Variants in NSMCE1 observed in about 807,000 individuals in gnomAD.
The protein encoded by NSMCE1 is NSE1 component of SMC5/6 complex.
In NSMCE1, 18 loss-of-function variants were observed where a neutral mutation model predicts 29.6. The observed-to-expected ratio is 0.61, with a 90% CI of 0.42 to 0.90. The LOEUF is 0.90. Ranked by LOEUF, NSMCE1 falls within the 40% of genes least tolerant of loss-of-function variation. The pLI is 0.00. For synonymous variants in NSMCE1, 124 were observed against 133.4 expected (o/e 0.93, Z 0.49); for missense variants, 314 against 343.6 (o/e 0.91, Z 0.68).
At chr16:27,247,194 G>A (rs1295451828) in intron 2 of NSMCE1, among the ~76,000 whole-genome samples, 1 of 152,208 alleles carries the variant, frequency 6.6e-6, no homozygotes, top group Admixed American at 6.5e-5. Context: ...TGTCATGGGA[G>A]GGGCCTGGTG....
intron 1 of NSMCE1, among the ~76,000 whole-genome samples, chr16:27,262,532 G>T (rs866098948): frequency 1.3e-5 from 2 of 152,152 alleles, no homozygotes; most frequent in African/African-American, 4.8e-5. Context: ...AGTATAAGTG[G>T]CTAGCCATAT....
rs1163264754 is a variant in NSMCE1 at position 27,233,095 on chromosome 16, AAT to A, written c.387_388del (p.Leu130GlufsTer4). The A allele has an allele frequency of 6.2e-7, 1 of 1,614,094 alleles. No individual in the cohort carries two copies. Reference sequence around the variant, plus strand: ...GCCTTTAAGTTGATCAACCAGGTTCAATATGTTTGTGGAAGACGCAAAGCCGG... The same window carrying A: ...GCCTTTAAGTTGATCAACCAGGTTCAATGTTTGTGGAAGACGCAAAGCCGG... On this transcript the variant is annotated frameshift_variant, in exon 5 of 8. Transcript: ENST00000361439. LOFTEE classifies it high-confidence loss of function.
intron 2 of NSMCE1, among the ~76,000 whole-genome samples, chr16:27,251,178 AT>A (rs1567281187): frequency 0.043 from 3,120 of 73,000 alleles, 214 homozygotes; most frequent in African/African-American, 0.13. Flanking sequence ...ATATATATAT[AT>A]ATATATATAT....
At position 27,232,938 on chromosome 16, in the gene NSMCE1, T is replaced by G; in HGVS notation, c.483+63A>C. 1 of 1,572,898 alleles carries G rather than the reference T, an allele frequency of 6.4e-7. No homozygotes were observed. Among genetic ancestry groups the G allele is most frequent in the Non-Finnish European group, 8.7e-7 (1 of 1,152,298 alleles). Reference sequence around the variant, plus strand: ...CATCAGTTGGCTACAAGTACGATTTTGGAGAAAAAACTGTTATTCACTTGA... The same window carrying G: ...CATCAGTTGGCTACAAGTACGATTTGGGAGAAAAAACTGTTATTCACTTGA... On this transcript the variant is annotated intron_variant, in intron 5 of 7. Transcript: ENST00000361439. The surrounding 1 kb of genome is among the most constrained non-coding windows in gnomAD (Gnocchi z 4.5).
chr16:27,235,589 C>T (rs1340759971), intron 2 of NSMCE1, among the ~76,000 whole-genome samples: 1 of 152,168 alleles, frequency 6.6e-6, no homozygotes, highest in East Asian at 1.9e-4. Flanking sequence ...CTCGCTGCCT[C>T]CTGATGAGAG....
Position 27,233,097 on chromosome 16 carries a change from T to C in NSMCE1, c.387A>G (p.Ile129Met). The C allele has an allele frequency of 6.2e-7, 1 of 1,614,130 alleles. No individual in the cohort carries two copies. The highest frequency in any genetic ancestry group is 8.5e-7 in the Non-Finnish European group (1 of 1,179,976). The change falls in exon 5 of 8, where the codon ATA becomes ATG. Residue 129 changes from isoleucine (I) to methionine (M), a missense_variant. Coordinates refer to ENST00000361439, the MANE Select transcript of NSMCE1 (RefSeq NM_145080.4). ...CTTTAAGTTGATCAACCAGGTTCAATATGTTTGTGGAAGACGCAAAGCCGG... is the reference window on the plus strand; with the variant it reads ...CTTTAAGTTGATCAACCAGGTTCAACATGTTTGTGGAAGACGCAAAGCCGG... ...SETGFASSTN[I>M]LNLVDQLKGK... is the part of the protein sequence containing the mutation.
intron 1 of NSMCE1, among the ~76,000 whole-genome samples, chr16:27,259,886 A>G (rs2084135878): frequency 6.6e-6 from 1 of 152,222 alleles, no homozygotes; most frequent in South Asian, 2.1e-4. Flanking sequence ...CATATCTTCT[A>G]TGCTGGGAGC....
intron 2 of NSMCE1, among the ~76,000 whole-genome samples, chr16:27,244,638 G>A (rs1039613449): frequency 2.1e-5 from 3 of 144,068 alleles, no homozygotes; most frequent in Non-Finnish European, 3.1e-5. Flanking sequence ...CCCGAGCATC[G>A]CCACATATGG....
At chr16:27,260,782 C>T (rs2084145934) in intron 1 of NSMCE1, among the ~76,000 whole-genome samples, 1 of 148,766 alleles carries the variant, frequency 6.7e-6, no homozygotes, top group Admixed American at 6.7e-5. Context: ...TTGCTTGAGC[C>T]TGGGAGGTCG....
At chr16:27,246,409 T>C (rs2083959354) in intron 2 of NSMCE1, among the ~76,000 whole-genome samples, 1 of 152,234 alleles carries the variant, frequency 6.6e-6, no homozygotes, top group African/African-American at 2.4e-5. Context: ...AGTATAGAAC[T>C]GTACCTCACA....
intron 2 of NSMCE1, among the ~76,000 whole-genome samples, chr16:27,240,501 C>T (rs2083882145): frequency 6.6e-6 from 1 of 152,178 alleles, no homozygotes; most frequent in Non-Finnish European, 1.5e-5. Flanking sequence ...ATCCCCTTGG[C>T]CCAGCCCTGA....
At chr16:27,251,557 G>C (rs1053827498) in intron 2 of NSMCE1, among the ~76,000 whole-genome samples, 1 of 152,116 alleles carries the variant, frequency 6.6e-6, no homozygotes, top group Admixed American at 6.6e-5. Flanking sequence ...CGCTCATGAG[G>C]AGTCTTGTTT....
In NSMCE1 at chr16:27,232,287, A is replaced by G. The variant is rs1348470959; in HGVS notation, c.483+714T>C. The stretch of plus-strand genomic sequence containing the variant: ...CGGCAAACACTGAGCTGTTGAAAAC[A>G]GGGGTGCCTTTTGTGGAAAAAGAAC... On this transcript the variant is annotated intron_variant, in intron 5 of 7. Coordinates refer to ENST00000361439, the MANE Select transcript of NSMCE1 (RefSeq NM_145080.4). The surrounding 1 kb of genome is among the most constrained non-coding windows in gnomAD (Gnocchi z 4.5). Among the ~76,000 whole-genome samples the G allele has an allele frequency of 6.6e-6, 1 of 152,068 alleles. No homozygotes were observed. The highest frequency in any genetic ancestry group is 1.5e-5 in the Non-Finnish European group (1 of 67,980).
At chr16:27,244,560 C>A (rs1452938754) in intron 2 of NSMCE1, among the ~76,000 whole-genome samples, 1 of 152,212 alleles carries the variant, frequency 6.6e-6, no homozygotes, top group African/African-American at 2.4e-5. Context: ...CATCTCAGCC[C>A]CTTCACTCAT....
At chr16:27,235,582 G>A (rs978318952) in intron 2 of NSMCE1, among the ~76,000 whole-genome samples, 2 of 152,158 alleles carry the variant, frequency 1.3e-5, no homozygotes, top group South Asian at 4.1e-4. Flanking sequence ...GTCTTTGCTC[G>A]CTGCCTCCTG....
Position 27,258,885 on chromosome 16 carries a change from G to A in NSMCE1, c.-11-1304C>T, listed in dbSNP as rs549503161. On this transcript the variant is annotated intron_variant, in intron 1 of 7. Coordinates refer to ENST00000361439, the MANE Select transcript of NSMCE1 (RefSeq NM_145080.4). The stretch of plus-strand genomic sequence containing the variant: ...CCTGGCTCAGCCTCCCAAGTAGCTG[G>A]AACTACAGGCGCCCACCACCGTGCC... Among the ~76,000 whole-genome samples, 7 of 151,920 alleles carry A rather than the reference G, an allele frequency of 4.6e-5. No individual in the cohort carries two copies. The South Asian group carries it at 1.3e-3, about 27-fold the overall frequency.
At chr16:27,251,202 A>ATG (rs1489126821) in intron 2 of NSMCE1, among the ~76,000 whole-genome samples, 4 of 78,172 alleles carry the variant, frequency 5.1e-5, no homozygotes, top group African/African-American at 2.7e-4. Flanking sequence ...ATATATATAT[A>ATG]TATATAAAAC....
chr16:27,235,189 TG>T lies in NSMCE1; in HGVS notation c.246del (p.Ile83PhefsTer5), dbSNP rs748904364. On this transcript the variant is annotated frameshift_variant, in exon 3 of 8. Coordinates refer to ENST00000361439, the MANE Select transcript of NSMCE1 (RefSeq NM_145080.4). LOFTEE classifies it high-confidence loss of function. ...KRGVTEDDGR[P>X]IYALVNLATT... ...TGCCGGGCACTCACCAACGCATAAA[TG>T]GGTCTCCCATCATCTTCCGTGACTC... The T allele has an allele frequency of 5.5e-5, 89 of 1,613,822 alleles. No homozygotes were observed. The highest frequency in any genetic ancestry group is 1.4e-5 in the Non-Finnish European group (17 of 1,179,954).
intron 2 of NSMCE1, among the ~76,000 whole-genome samples, chr16:27,254,154 G>A (rs191215131): frequency 6.6e-6 from 1 of 152,188 alleles, no homozygotes; most frequent in African/African-American, 2.4e-5. Context: ...AATAATATTG[G>A]GTCTTGCGAG....
Sources: gnomAD v4.1 joint callset for allele counts (sites outside exome capture counted in the v4.1 genomes callset) on GRCh38, gnomAD v4.1.1 for gene constraint, Gnocchi (gnomAD v3.1) non-coding constraint, MANE v1.5 for transcripts, NCBI Gene and HGNC (gene_info 2026-07-23, HGNC 2026-07-21) for gene names.